The following TTLL1 variants were observed in gnomAD, a reference collection of about 807,000 sequenced individuals.
TTLL1 encodes the protein polyglutamylase complex subunit TTLL1.
Under a neutral mutation model 47.8 loss-of-function variants are expected in TTLL1, and 33 were observed. The ratio of observed to expected loss-of-function variants is 0.69; its 90% confidence interval spans 0.52 to 0.92. The LOEUF is 0.92. TTLL1 is among the 40% of genes least tolerant of loss of function. The probability of loss-of-function intolerance (pLI) is 0.00; values close to 1 mark genes in which losing one functional copy is unlikely to be tolerated. For synonymous variants in TTLL1, 225 were observed against 214.1 expected, an observed-to-expected ratio of 1.05 and a Z score of -0.45; for missense variants, 488 against 547.5, an observed-to-expected ratio of 0.89 and a Z score of 1.08.
chr22:43,083,689 T>C (rs1201413275), intron 1 of TTLL1, among the ~76,000 whole-genome samples: 4 of 151,242 alleles, frequency 2.6e-5, no homozygotes, highest in African/African-American at 4.9e-5. Context: ...GATCGCACCA[T>C]TGCACTGCAG....
At chr22:43,061,795 C>T (rs1023278552) in intron 7 of TTLL1, among the ~76,000 whole-genome samples, 2 of 152,144 alleles carry the variant, frequency 1.3e-5, no homozygotes, top group Admixed American at 6.5e-5. Context: ...AACAGGGCCT[C>T]GGCACACGTT....
intron 2 of TTLL1, among the ~76,000 whole-genome samples, chr22:43,078,792 C>G (rs563818311): frequency 6.6e-6 from 1 of 152,042 alleles, no homozygotes; most frequent in Non-Finnish European, 1.5e-5. Context: ...GCAGTCACAC[C>G]AAGATGACAA....
At chr22:43,045,661 A>C (rs767238794) in intron 10 of TTLL1, among the ~76,000 whole-genome samples, 6 of 152,004 alleles carry the variant, frequency 3.9e-5, no homozygotes, top group Admixed American at 2.6e-4. Context: ...AGTTGCACTG[A>C]GTTCCTCCCT....
At chr22:43,059,892 G>A (rs1927286807) in intron 7 of TTLL1, among the ~76,000 whole-genome samples, 2 of 152,156 alleles carry the variant, frequency 1.3e-5, no homozygotes, top group African/African-American at 2.4e-5. Flanking sequence ...GTCTCACTAT[G>A]TTGCCCAGAC....
At chr22:43,088,112 C>A (rs955743686) in intron 1 of TTLL1, among the ~76,000 whole-genome samples, 3 of 151,736 alleles carry the variant, frequency 2.0e-5, no homozygotes, top group African/African-American at 7.3e-5. Context: ...CGACCGCACT[C>A]CAGCCTGGGC....
chr22:43,069,466 C>A (rs956523715), intron 4 of TTLL1, 170 bp downstream of exon 4: 7 of 1,193,118 alleles, frequency 5.9e-6, no homozygotes, highest in Admixed American at 5.6e-5. Flanking sequence ...CACACTCAGG[C>A]CCCTCCTTCT....
intron 8 of TTLL1, among the ~76,000 whole-genome samples, chr22:43,054,123 CCT>C (rs1345776564): frequency 4.6e-5 from 7 of 152,148 alleles, no homozygotes; most frequent in Non-Finnish European, 8.8e-5. Flanking sequence ...AGCAAAGTCC[CCT>C]GTCGGGATAT....
At chr22:43,053,547 TCA>T (rs982232794) in intron 8 of TTLL1, among the ~76,000 whole-genome samples, 1 of 152,082 alleles carries the variant, frequency 6.6e-6, no homozygotes, top group African/African-American at 2.4e-5. Flanking sequence ...TGCGTAGCTC[TCA>T]GTGTCTCTGT....
chr22:43,072,860 A>G (rs574474493), intron 3 of TTLL1, among the ~76,000 whole-genome samples: 2 of 152,016 alleles, frequency 1.3e-5, no homozygotes, highest in Non-Finnish European at 2.9e-5. Context: ...CTGGGATTAC[A>G]GGCATGAGCC....
At chr22:43,051,586 C>T (rs749058467) in intron 9 of TTLL1, among the ~76,000 whole-genome samples, 10 of 152,142 alleles carry the variant, frequency 6.6e-5, no homozygotes, top group Non-Finnish European at 1.2e-4. Flanking sequence ...AGATGGGCTA[C>T]AGCTCCCTGT....
intron 10 of TTLL1, among the ~76,000 whole-genome samples, chr22:43,044,090 C>A (rs565019125): frequency 5.3e-5 from 8 of 152,208 alleles, no homozygotes; most frequent in African/African-American, 1.7e-4. Flanking sequence ...ACTCCAACAA[C>A]CCTCCTCCCC....
chr22:43,067,474 C>T (rs946570575), intron 5 of TTLL1, among the ~76,000 whole-genome samples: 5 of 152,240 alleles, frequency 3.3e-5, no homozygotes, highest in African/African-American at 9.6e-5. Flanking sequence ...AGAACCACCA[C>T]GACTGAGCGG....
At chr22:43,079,264 G>A (rs1305289548) in intron 2 of TTLL1, among the ~76,000 whole-genome samples, 2 of 138,362 alleles carry the variant, frequency 1.4e-5, no homozygotes, top group South Asian at 2.4e-4. Context: ...GGCCAAGGGA[G>A]CCGCACCCCA....
intron 10 of TTLL1, among the ~76,000 whole-genome samples, chr22:43,045,949 A>AG (rs1926095033): frequency 6.6e-6 from 1 of 152,134 alleles, no homozygotes; most frequent in Non-Finnish European, 1.5e-5. Context: ...GGCTGGGTGC[A>AG]GTGGCTCACA....
intron 8 of TTLL1, among the ~76,000 whole-genome samples, chr22:43,055,341 T>G (rs1305910942): frequency 6.7e-6 from 1 of 150,256 alleles, no homozygotes; most frequent in Non-Finnish European, 1.5e-5. Flanking sequence ...TTTTCTTTCT[T>G]TTTTTTTTGA....
intron 1 of TTLL1, among the ~76,000 whole-genome samples, chr22:43,087,147 C>T (rs1929275363): frequency 6.6e-6 from 1 of 152,218 alleles, no homozygotes; most frequent in South Asian, 2.1e-4. Context: ...CAATCTCAAT[C>T]CTCCTGACTC....
At chr22:43,081,516 C>G (rs975864966) in intron 1 of TTLL1, among the ~76,000 whole-genome samples, 29 of 151,854 alleles carry the variant, frequency 1.9e-4, no homozygotes, top group Non-Finnish European at 2.9e-5. Context: ...TCCAAAGATC[C>G]CCACACACCC....
chr22:43,042,660 G>A (rs139749914), intron 10 of TTLL1, among the ~76,000 whole-genome samples: 123 of 152,324 alleles, frequency 8.1e-4, no homozygotes, highest in African/African-American at 2.6e-3. Context: ...CACCTGGCAT[G>A]GACGGGCGGC....
rs943916493 is a variant in TTLL1, at chr22:43,054,488, G to T, written c.892-2601C>A. ...TGCCCAGGCTGGAGTACAATGGCAC[G>T]GTCTCGGCTGACTGCAAATTCCACC... On this transcript the variant is annotated intron_variant, in intron 8 of 10. Transcript: ENST00000266254. Among the ~76,000 whole-genome samples the T allele has an allele frequency of 2.7e-5, 4 of 148,826 alleles. No individual in the cohort carries two copies. In the Admixed American group the frequency reaches 2.7e-4, roughly 10 times the overall value.
Sources: gnomAD v4.1 joint callset for allele counts (sites outside exome capture counted in the v4.1 genomes callset) on GRCh38, gnomAD v4.1.1 for gene constraint, MANE v1.5 for transcripts, NCBI Gene and HGNC (gene_info 2026-07-23, HGNC 2026-07-21) for gene names.